The following CDH13 variants were observed in gnomAD, a reference collection of about 807,000 sequenced individuals.
The protein encoded by CDH13 is cadherin 13, also known as cadherin-13.
A neutral mutation model predicts 63.8 loss-of-function variants in CDH13; 24 were observed. The ratio of observed to expected loss-of-function variants is 0.38; its 90% CI spans 0.27 to 0.53. The LOEUF is 0.53. Ranked by LOEUF, CDH13 falls within the 20% of genes least tolerant of loss-of-function variation. The probability of loss-of-function intolerance (pLI) is 0.85; values close to 1 mark genes in which losing one functional copy is unlikely to be tolerated. For missense variants in CDH13, 1,049 were observed against 903.1 expected, an observed-to-expected ratio of 1.16 and a Z score of -2.07; for synonymous variants, 503 against 355.3, an observed-to-expected ratio of 1.42 and a Z score of -4.67.
chr16:82,831,449 T>A (rs549721096), intron 1 of CDH13, among the ~76,000 whole-genome samples: 168 of 152,248 alleles, frequency 1.1e-3, no homozygotes, highest in Non-Finnish European at 2.0e-3. Flanking sequence ...ATGGCATAAC[T>A]ATTGCTTAAT....
At chr16:82,678,288 TA>T (rs761320444) in intron 1 of CDH13, among the ~76,000 whole-genome samples, 1 of 150,904 alleles carries the variant, frequency 6.6e-6, no homozygotes, top group Non-Finnish European at 1.5e-5. Flanking sequence ...AACGTTGGTT[TA>T]AAATGCAAAT....
At chr16:82,862,051 G>C (rs1203176092) in intron 2 of CDH13, among the ~76,000 whole-genome samples, 1 of 152,200 alleles carries the variant, frequency 6.6e-6, no homozygotes, top group Non-Finnish European at 1.5e-5. Context: ...ATCCATTTAA[G>C]GTCTTTGAAT....
intron 7 of CDH13, among the ~76,000 whole-genome samples, chr16:83,551,849 C>T (rs1347067305): frequency 1.3e-5 from 2 of 152,164 alleles, no homozygotes; most frequent in African/African-American, 4.8e-5. Context: ...CTGTTCCTTC[C>T]AGCAACTAAT....
At chr16:83,154,180 G>A (rs990494185) in intron 4 of CDH13, among the ~76,000 whole-genome samples, 17 of 152,006 alleles carry the variant, frequency 1.1e-4, no homozygotes, top group Admixed American at 4.6e-4. Flanking sequence ...GCCATGACAC[G>A]AGCTTATCCT....
intron 3 of CDH13, among the ~76,000 whole-genome samples, chr16:83,097,834 T>C (rs546096647): frequency 3.1e-4 from 47 of 152,324 alleles, no homozygotes; most frequent in African/African-American, 1.1e-3. Context: ...TTTAATATCA[T>C]GCTAAGAGGG....
chr16:83,139,742 G>A (rs560437584), intron 4 of CDH13, among the ~76,000 whole-genome samples: 2 of 152,078 alleles, frequency 1.3e-5, no homozygotes, highest in Non-Finnish European at 2.9e-5. Context: ...AGTGGTTCAT[G>A]CCTGTAATCC....
In CDH13 at chr16:82,644,654, C is replaced by T. The variant is rs1299462242; in HGVS notation, c.45+17517C>T. 6.6e-6 allele frequency among the ~76,000 whole-genome samples: 1 copy of T among 152,148 alleles called. No individual in the cohort carries two copies. Among genetic ancestry groups the T allele is most frequent in the Non-Finnish European group, 1.5e-5 (1 of 68,020 alleles). ...TCTGTAAAAGCAACCACGCTTTGGG[C>T]TGGGGCAGAAGTCAGGACTTGAACT... On this transcript the variant is annotated intron_variant, in intron 1 of 13. Coordinates refer to ENST00000567109, the MANE Select transcript of CDH13 (RefSeq NM_001257.5). This position sits in a 1 kb window ranked among gnomAD's most constrained non-coding sequence, Gnocchi z 5.7.
chr16:83,408,165 G>A (rs184753633), intron 6 of CDH13, among the ~76,000 whole-genome samples: 19 of 152,272 alleles, frequency 1.2e-4, no homozygotes, highest in East Asian at 5.8e-4. Context: ...CTTGTGACCC[G>A]TGTGACTATG....
chr16:83,394,702 C>T (rs1304171628), intron 6 of CDH13, among the ~76,000 whole-genome samples: 1 of 152,178 alleles, frequency 6.6e-6, no homozygotes, highest in Non-Finnish European at 1.5e-5. Flanking sequence ...AGAACAAAAG[C>T]AAGGCAGCCA....
intron 10 of CDH13, chr16:83,740,064 C>T (rs1024955091): frequency 6.6e-6 from 1 of 151,988 alleles, no homozygotes; most frequent in African/African-American, 2.4e-5. Flanking sequence ...AAGACTTATC[C>T]GATGAGGCAA....
intron 6 of CDH13, among the ~76,000 whole-genome samples, chr16:83,436,459 G>T (rs1479775843): frequency 6.7e-6 from 1 of 150,100 alleles, no homozygotes; most frequent in Non-Finnish European, 1.5e-5. Flanking sequence ...GACAGAGTGA[G>T]ACCCTGAATC....
rs151250945 is a variant in CDH13, at chr16:82,649,249, A to G, written c.45+22112A>G. Among the ~76,000 whole-genome samples the G allele has an allele frequency of 2.5e-3, 385 of 152,326 alleles. 2 individuals are homozygous for G. Among genetic ancestry groups the G allele is most frequent in the African/African-American group, 8.9e-3 (370 of 41,572 alleles). ...AAGGTCACACAGGGTCCAAACTCAGATTATTGTGAAATGAACTGGCTAGAT... is the reference window on the plus strand; with the variant it reads ...AAGGTCACACAGGGTCCAAACTCAGGTTATTGTGAAATGAACTGGCTAGAT... On this transcript the variant is annotated intron_variant, in intron 1 of 13. Coordinates refer to ENST00000567109, the MANE Select transcript of CDH13 (RefSeq NM_001257.5).
intron 7 of CDH13, among the ~76,000 whole-genome samples, chr16:83,559,367 T>G (rs1050269342): frequency 4.1e-4 from 62 of 151,706 alleles, no homozygotes; most frequent in African/African-American, 1.5e-3. Context: ...AGGTTGTGAG[T>G]TCAAGAGCAG....
chr16:83,166,894 T>A (rs2037698751), intron 4 of CDH13, among the ~76,000 whole-genome samples: 1 of 152,128 alleles, frequency 6.6e-6, no homozygotes, highest in African/African-American at 2.4e-5. Flanking sequence ...ATCTCCCAAA[T>A]GTTTCAAAAA....
intron 1 of CDH13, among the ~76,000 whole-genome samples, chr16:82,683,040 G>A (rs953438329): frequency 5.3e-5 from 8 of 152,166 alleles, no homozygotes; most frequent in Non-Finnish European, 1.0e-4. Context: ...ACTTAGCCAA[G>A]TTATTCAGTT....
intron 1 of CDH13, among the ~76,000 whole-genome samples, chr16:82,699,995 A>G (rs938748122): frequency 7.9e-5 from 12 of 152,346 alleles, no homozygotes; most frequent in Admixed American, 2.0e-4. Flanking sequence ...GATTTATCCC[A>G]ACTTGGCTAA....
intron 5 of CDH13, among the ~76,000 whole-genome samples, chr16:83,230,289 C>G (rs753632426): frequency 5.3e-5 from 8 of 152,090 alleles, no homozygotes; most frequent in Non-Finnish European, 1.2e-4. Context: ...TTTCTGCTCC[C>G]AAATAAAAAG....
chr16:82,902,316 T>A (rs2041498891), intron 2 of CDH13, among the ~76,000 whole-genome samples: 1 of 152,004 alleles, frequency 6.6e-6, no homozygotes, highest in Admixed American at 6.6e-5. Flanking sequence ...TCTCTGGAGA[T>A]TTGCCTTATA....
intron 2 of CDH13, among the ~76,000 whole-genome samples, chr16:82,948,072 A>C (rs573573392): frequency 6.6e-6 from 1 of 152,322 alleles, no homozygotes; most frequent in South Asian, 2.1e-4. Flanking sequence ...TTTAATGGAC[A>C]TTGAAAGATA....
Sources: allele counts gnomAD v4.1 joint callset (sites outside exome capture counted in the v4.1 genomes callset), GRCh38; gene constraint gnomAD v4.1.1; non-coding constraint Gnocchi (gnomAD v3.1); transcripts MANE v1.5; gene names NCBI Gene and HGNC (gene_info 2026-07-23, HGNC 2026-07-21).